The following GRIK4 variants were observed in gnomAD, a reference collection of about 807,000 sequenced individuals.
The protein encoded by GRIK4 is glutamate ionotropic receptor kainate type subunit 4.
A neutral mutation model predicts 104.9 loss-of-function variants in GRIK4; 40 were observed. That is an observed-to-expected ratio of 0.38 (90% CI 0.30 to 0.50). The LOEUF (loss-of-function observed/expected upper bound fraction) is 0.50. GRIK4 is among the 20% of genes least tolerant of loss of function. GRIK4 has a pLI of 0.93. For missense variants in GRIK4, 1,047 were observed against 1,308.1 expected, an observed-to-expected ratio of 0.80 and a Z score of 3.08; for synonymous variants, 485 against 524.9, an observed-to-expected ratio of 0.92 and a Z score of 1.04.
At chr11:120,658,817 C>T (rs1320209028) in intron 2 of GRIK4, among the ~76,000 whole-genome samples, 8 of 138,674 alleles carry the variant, frequency 5.8e-5, no homozygotes, top group South Asian at 4.9e-4. Flanking sequence ...GGCACGATCT[C>T]GGCTCACTGC....
chr11:120,916,001 G>A (rs1184865540), intron 13 of GRIK4, among the ~76,000 whole-genome samples: 1 of 152,184 alleles, frequency 6.6e-6, no homozygotes, highest in African/African-American at 2.4e-5. Context: ...TGGAACAAAG[G>A]ATGACTTGGG....
In GRIK4 at chr11:120,517,268, A is replaced by G. The variant is rs75149251; in HGVS notation, c.-159+5381A>G. Among the ~76,000 whole-genome samples the G allele has an allele frequency of 5.1e-3, 763 of 149,322 alleles. 43 individuals are homozygous for G. In the East Asian group the frequency reaches 0.078, roughly 15 times the overall value. Reference sequence around the variant, plus strand: ...GGACCTCAACTCATGTTTAACAGACACTTGTTACAGAGATAAATTCAGAGG... The same window carrying G: ...GGACCTCAACTCATGTTTAACAGACGCTTGTTACAGAGATAAATTCAGAGG... On this transcript the variant is annotated intron_variant, in intron 1 of 20. Transcript: ENST00000527524.
rs202173501 is a variant in GRIK4 at position 120,911,240 on chromosome 11, C to CT, written c.1476+5763dup. Among the ~76,000 whole-genome samples, 698 of 137,712 alleles carry CT rather than the reference C, an allele frequency of 5.1e-3. 4 individuals are homozygous for CT. Among genetic ancestry groups the CT allele is most frequent in the Admixed American group, 0.02 (282 of 13,758 alleles). The allele number at this position is 137,712 out of a possible 152,430, so 90.3% of individuals were successfully genotyped here. On this transcript the variant is annotated intron_variant, in intron 13 of 20. Coordinates refer to ENST00000527524, the MANE Select transcript of GRIK4 (RefSeq NM_014619.5). ...AAGAAGGTACAGATTCCAAAATTCT[C>CT]TTTTTTTTTTTTTTTTGAGACGGAG...
intron 1 of GRIK4, among the ~76,000 whole-genome samples, chr11:120,515,256 C>T (rs1214850048): frequency 6.6e-6 from 1 of 152,162 alleles, no homozygotes; most frequent in African/African-American, 2.4e-5. Flanking sequence ...TTCCAGCTAC[C>T]AAGTATCAGG....
At chr11:120,720,319 T>G (rs1408147024) in intron 3 of GRIK4, among the ~76,000 whole-genome samples, 1 of 152,198 alleles carries the variant, frequency 6.6e-6, no homozygotes, top group East Asian at 1.9e-4. Flanking sequence ...TTGATTCTGG[T>G]TTATTGTAGA....
chr11:120,645,243 G>A (rs1011249696), intron 1 of GRIK4, among the ~76,000 whole-genome samples: 2 of 152,206 alleles, frequency 1.3e-5, no homozygotes, highest in African/African-American at 4.8e-5. Flanking sequence ...CCTTGGCAGT[G>A]CTGAGAGGTC....
intron 19 of GRIK4, among the ~76,000 whole-genome samples, chr11:120,972,953 C>T (rs1317824081): frequency 1.3e-5 from 2 of 152,036 alleles, no homozygotes; most frequent in Non-Finnish European, 2.9e-5. Context: ...TTCCTTAACT[C>T]CAGACAAAGA....
At chr11:120,628,298 G>C (rs1034657686) in intron 1 of GRIK4, among the ~76,000 whole-genome samples, 2 of 152,168 alleles carry the variant, frequency 1.3e-5, no homozygotes, top group South Asian at 2.1e-4. Flanking sequence ...ATGCTTGGAG[G>C]AATCATCAAT....
intron 16 of GRIK4, among the ~76,000 whole-genome samples, chr11:120,959,066 C>T (rs934565716): frequency 1.3e-5 from 2 of 152,190 alleles, no homozygotes; most frequent in African/African-American, 4.8e-5. Context: ...TCTCTCTATA[C>T]ATTTCTCTAT....
intron 10 of GRIK4, among the ~76,000 whole-genome samples, chr11:120,874,879 A>G (rs1035713587): frequency 4.6e-5 from 7 of 152,130 alleles, no homozygotes; most frequent in African/African-American, 1.4e-4. Flanking sequence ...TAGCACCATG[A>G]CTGGGTTGGT....
At chr11:120,687,812 G>C (rs1950298916) in intron 3 of GRIK4, among the ~76,000 whole-genome samples, 1 of 152,156 alleles carries the variant, frequency 6.6e-6, no homozygotes, top group South Asian at 2.1e-4. Context: ...AGCCTCCTGT[G>C]TTTACTGGGT....
chr11:120,538,535 G>C (rs1948001887), intron 1 of GRIK4, among the ~76,000 whole-genome samples: 1 of 152,172 alleles, frequency 6.6e-6, no homozygotes, highest in Non-Finnish European at 1.5e-5. Context: ...TTTCACATTA[G>C]TAATGAAATT....
chr11:120,878,873 T>C (rs1400428763), intron 11 of GRIK4, among the ~76,000 whole-genome samples: 1 of 152,200 alleles, frequency 6.6e-6, no homozygotes, highest in African/African-American at 2.4e-5. Context: ...GTGGAAGGAA[T>C]GTCAATATCT....
intron 3 of GRIK4, among the ~76,000 whole-genome samples, chr11:120,721,442 A>T (rs1019648382): frequency 4.6e-5 from 7 of 152,114 alleles, no homozygotes; most frequent in Non-Finnish European, 2.9e-5. Context: ...CCTTGAAGAG[A>T]TAGTTTGTTC....
intron 1 of GRIK4, among the ~76,000 whole-genome samples, chr11:120,580,463 A>G (rs1948565217): frequency 6.6e-6 from 1 of 151,924 alleles, no homozygotes; most frequent in Non-Finnish European, 1.5e-5. Context: ...TTTAGTAGAA[A>G]CAGGGTTTCT....
intron 11 of GRIK4, among the ~76,000 whole-genome samples, chr11:120,887,179 T>A (rs1417333107): frequency 1.3e-5 from 2 of 152,210 alleles, no homozygotes. Flanking sequence ...CTTCATTTCG[T>A]TCAGCTCAGA....
intron 7 of GRIK4, among the ~76,000 whole-genome samples, chr11:120,834,296 GT>G (rs1953514961): frequency 6.6e-6 from 1 of 151,742 alleles, no homozygotes; most frequent in Non-Finnish European, 1.5e-5. Flanking sequence ...GTGTGTGTGT[GT>G]GTGGCCATGC....
At chr11:120,662,560 T>A (rs1366854586) in intron 3 of GRIK4, among the ~76,000 whole-genome samples, 1 of 151,796 alleles carries the variant, frequency 6.6e-6, no homozygotes, top group Non-Finnish European at 1.5e-5. Context: ...GGAAGAGAAG[T>A]GGGTCAAGAA....
At chr11:120,533,144 A>T (rs1360615291) in intron 1 of GRIK4, among the ~76,000 whole-genome samples, 1 of 152,182 alleles carries the variant, frequency 6.6e-6, no homozygotes, top group African/African-American at 2.4e-5. Flanking sequence ...TGCAGTTGGA[A>T]CTGCATTTCA....
Sources: allele counts gnomAD v4.1 joint callset (sites outside exome capture counted in the v4.1 genomes callset), GRCh38; gene constraint gnomAD v4.1.1; transcripts MANE v1.5; gene names NCBI Gene and HGNC (gene_info 2026-07-23, HGNC 2026-07-21).